GULP1: variants seen among roughly 807,000 people sequenced by gnomAD.
GULP1 encodes GULP PTB domain containing engulfment adaptor 1, also known as PTB domain-containing engulfment adapter protein 1.
Under a neutral mutation model 40.9 loss-of-function variants are expected in GULP1, and 19 were observed. That is an observed-to-expected ratio of 0.46 (90% CI 0.32 to 0.68). GULP1 has a LOEUF of 0.68. Among genes scored for constraint, GULP1 ranks in the 30% least tolerant of loss-of-function variants. The pLI, the probability that GULP1 is intolerant of heterozygous loss-of-function variation, is 0.03. For synonymous variants in GULP1, 119 were observed against 117.6 expected, an observed-to-expected ratio of 1.01 and a Z score of -0.08; for missense variants, 312 against 362.2, an observed-to-expected ratio of 0.86 and a Z score of 1.12.
rs1328082794 is a variant in GULP1, at chr2:188,320,899, G to A, written c.-172+28733G>A. Among the ~76,000 whole-genome samples the A allele has an allele frequency of 2.0e-5, 3 of 149,098 alleles. No individual in the cohort carries two copies. In the South Asian group the frequency reaches 6.3e-4, roughly 31 times the overall value. ...TTAATCTTTGAAATTAAAAATTTTT[G>A]TACTCTCCTCCTCCAGAAAAAAAAA... On this transcript the variant is annotated intron_variant, in intron 1 of 11. Coordinates refer to ENST00000409830, the MANE Select transcript of GULP1 (RefSeq NM_016315.4).
At chr2:188,479,329 T>C (rs1444270361) in intron 3 of GULP1, among the ~76,000 whole-genome samples, 1 of 152,144 alleles carries the variant, frequency 6.6e-6, no homozygotes, top group African/African-American at 2.4e-5. Context: ...CAAAATGACA[T>C]TGATTATAGT....
At position 188,587,844 on chromosome 2, in the gene GULP1, C is replaced by T; in HGVS notation, c.749-11C>T. 6.7e-7 allele frequency: 1 copy of T among 1,496,694 alleles called. No homozygotes were observed. Among genetic ancestry groups the T allele is most frequent in the Non-Finnish European group, 9.2e-7 (1 of 1,081,478 alleles). The allele number at this position is 1,496,694 out of a possible 1,614,324, so 92.7% of individuals were successfully genotyped here. A position where few individuals can be genotyped will look rare whatever the true frequency, so the allele number is the denominator to read the frequency against. On this transcript the variant is annotated splice_polypyrimidine_tract_variant and intron_variant, in intron 10 of 11. Coordinates refer to ENST00000409830, the MANE Select transcript of GULP1 (RefSeq NM_016315.4). ...GTTATTTCATTTACTAAATTATTTC[C>T]TTCCTTGCAGAACGGGACCTGTTTG... is the stretch of plus-strand genomic sequence containing the variant.
intron 4 of GULP1, among the ~76,000 whole-genome samples, chr2:188,495,710 C>CT (rs1254647680): frequency 1.1e-4 from 16 of 151,886 alleles, no homozygotes; most frequent in Admixed American, 1.1e-3. Context: ...CTTTATAGAG[C>CT]TTTTGGGACA....
intron 9 of GULP1, among the ~76,000 whole-genome samples, chr2:188,581,700 A>C (rs1364672809): frequency 1.3e-5 from 2 of 152,130 alleles, no homozygotes; most frequent in East Asian, 3.9e-4. Context: ...AAAGTCTTAC[A>C]ATTTGGAGCT....
At chr2:188,547,434 A>G (rs1259105365) in intron 7 of GULP1, among the ~76,000 whole-genome samples, 1 of 152,118 alleles carries the variant, frequency 6.6e-6, no homozygotes, top group African/African-American at 2.4e-5. Context: ...GCCCATCTGC[A>G]AGCTGAGGAG....
At chr2:188,341,779 T>C (rs1220162405) in intron 1 of GULP1, among the ~76,000 whole-genome samples, 2 of 152,218 alleles carry the variant, frequency 1.3e-5, no homozygotes, top group Non-Finnish European at 2.9e-5. Flanking sequence ...TTTTTTTCAT[T>C]ACATGGATGA....
At chr2:188,512,168 CT>C (rs944607212) in intron 4 of GULP1, among the ~76,000 whole-genome samples, 4 of 151,632 alleles carry the variant, frequency 2.6e-5, no homozygotes, top group African/African-American at 9.7e-5. Flanking sequence ...AATACTTTTC[CT>C]TTTTTTTGCA....
intron 2 of GULP1, among the ~76,000 whole-genome samples, chr2:188,414,601 A>G (rs905096062): frequency 2.6e-5 from 4 of 152,344 alleles, no homozygotes; most frequent in African/African-American, 9.6e-5. Flanking sequence ...AGAATGCCGA[A>G]GCTGGAAAGG....
At chr2:188,342,804 A>G (rs1326741649) in intron 1 of GULP1, among the ~76,000 whole-genome samples, 1 of 152,168 alleles carries the variant, frequency 6.6e-6, no homozygotes, top group Non-Finnish European at 1.5e-5. Context: ...GTGCTGCTCT[A>G]TATCTTTCTG....
rs1048535734 is a variant in GULP1 at position 188,484,087 on chromosome 2, T to C, written c.90+595T>C. ...TACAGGCATGTGCCACCATGCTTTT[T>C]AGAAGAGACGGGGTTTCACCGTGTT... On this transcript the variant is annotated intron_variant, in intron 4 of 11. Coordinates refer to ENST00000409830, the MANE Select transcript of GULP1 (RefSeq NM_016315.4). 2.0e-5 allele frequency among the ~76,000 whole-genome samples: 3 copies of C among 152,150 alleles called. No homozygotes were observed. The East Asian group carries it at 5.8e-4, about 30-fold the overall frequency.
At chr2:188,349,949 C>T (rs1350761357) in intron 1 of GULP1, among the ~76,000 whole-genome samples, 3 of 152,040 alleles carry the variant, frequency 2.0e-5, no homozygotes, top group African/African-American at 7.2e-5. Flanking sequence ...GTGCCAGCAC[C>T]ATTTGTTTAA....
intron 2 of GULP1, among the ~76,000 whole-genome samples, chr2:188,419,822 A>G (rs2055121514): frequency 6.6e-6 from 1 of 152,140 alleles, no homozygotes. Flanking sequence ...TTAGGAGTTT[A>G]ACAATTTTGA....
intron 2 of GULP1, among the ~76,000 whole-genome samples, chr2:188,440,798 C>T (rs925707871): frequency 1.1e-4 from 16 of 152,094 alleles, no homozygotes; most frequent in Non-Finnish European, 2.4e-4. Flanking sequence ...TTCCTCAATA[C>T]TTTACTATGT....
intron 2 of GULP1, among the ~76,000 whole-genome samples, chr2:188,426,879 A>T (rs934629278): frequency 2.0e-5 from 3 of 152,174 alleles, no homozygotes; most frequent in Admixed American, 2.0e-4. Flanking sequence ...ATGAGGGAAA[A>T]TTTGGAACTT....
intron 4 of GULP1, among the ~76,000 whole-genome samples, chr2:188,507,946 G>A (rs532078355): frequency 8.6e-5 from 13 of 151,990 alleles, no homozygotes; most frequent in Admixed American, 2.0e-4. Context: ...GTGATATGCT[G>A]CAATATAGTT....
At chr2:188,511,471 T>C (rs898992127) in intron 4 of GULP1, among the ~76,000 whole-genome samples, 1 of 152,158 alleles carries the variant, frequency 6.6e-6, no homozygotes, top group African/African-American at 2.4e-5. Context: ...CTTCTGTTGA[T>C]AGCAATACAG....
chr2:188,499,153 A>G (rs1306389047), intron 4 of GULP1, among the ~76,000 whole-genome samples: 4 of 145,322 alleles, frequency 2.8e-5, no homozygotes, highest in Non-Finnish European at 6.1e-5. Flanking sequence ...ATATATATAT[A>G]TATATATATA....
intron 1 of GULP1, among the ~76,000 whole-genome samples, chr2:188,340,162 C>T (rs1377359116): frequency 2.6e-5 from 4 of 152,076 alleles, no homozygotes; most frequent in African/African-American, 9.7e-5. Flanking sequence ...GGCAAGGAAC[C>T]CTTCAGTTTC....
At chr2:188,347,576 G>T (rs867315787) in intron 1 of GULP1, among the ~76,000 whole-genome samples, 2 of 150,306 alleles carry the variant, frequency 1.3e-5, no homozygotes, top group East Asian at 2.0e-4. Flanking sequence ...ATTAGCACAC[G>T]TGTAGTTTCA....
Sources: gnomAD v4.1 joint callset for allele counts (sites outside exome capture counted in the v4.1 genomes callset) on GRCh38, gnomAD v4.1.1 for gene constraint, MANE v1.5 for transcripts, NCBI Gene and HGNC (gene_info 2026-07-23, HGNC 2026-07-21) for gene names.